Variants in DIP2C observed in about 807,000 individuals in gnomAD.
DIP2C encodes DIP2 acetate--CoA ligase C (putative), also known as disco-interacting protein 2 homolog C.
DIP2C carries 33 observed loss-of-function variants against 192.4 expected under a neutral mutation model. The observed-to-expected ratio is 0.17, with a 90% CI of 0.13 to 0.23. The LOEUF is 0.23. DIP2C is among the 10% of genes least tolerant of loss of function. The pLI is 1.00. For synonymous variants in DIP2C, 979 were observed against 864.1 expected (o/e 1.13, Z -2.33); for missense variants, 1,537 against 2,110.1 (o/e 0.73, Z 5.32).
At chr10:546,422 C>T (rs1297870974) in intron 1 of DIP2C, among the ~76,000 whole-genome samples, 3 of 152,192 alleles carry the variant, frequency 2.0e-5, no homozygotes, top group South Asian at 2.1e-4. Context: ...GAACACCTAA[C>T]GCCTCTCTGC....
At chr10:417,636 G>GA (rs1965750754) in intron 6 of DIP2C, among the ~76,000 whole-genome samples, 1 of 11,750 alleles carries the variant, frequency 8.5e-5, no homozygotes, top group Non-Finnish European at 2.6e-4. Context: ...GTCAGGGCTC[G>GA]GATAGGCCTC....
At chr10:378,742 CA>C (rs1440239727) in intron 17 of DIP2C, among the ~76,000 whole-genome samples, 1 of 151,890 alleles carries the variant, frequency 6.6e-6, no homozygotes, top group Non-Finnish European at 1.5e-5. Flanking sequence ...TGCATAAAGA[CA>C]CATGTGAACA....
intron 1 of DIP2C, among the ~76,000 whole-genome samples, chr10:492,906 T>C (rs927176064): frequency 3.3e-5 from 5 of 152,232 alleles, no homozygotes; most frequent in Non-Finnish European, 5.9e-5. Context: ...ACCGCAGTGG[T>C]CTTGAAAATA....
intron 4 of DIP2C, among the ~76,000 whole-genome samples, chr10:424,502 A>AT (rs1321360243): frequency 1.3e-5 from 2 of 151,646 alleles, no homozygotes; most frequent in African/African-American, 2.4e-5. Flanking sequence ...GGTAGCTGAG[A>AT]TTACAGGCAC....
chr10:391,068 G>A (rs963682210), intron 10 of DIP2C, among the ~76,000 whole-genome samples: 2 of 152,184 alleles, frequency 1.3e-5, no homozygotes, highest in Non-Finnish European at 2.9e-5. Context: ...GGTATAGAAA[G>A]AACAGCTGTC....
At chr10:487,321 T>G (rs867747794) in intron 1 of DIP2C, among the ~76,000 whole-genome samples, 2 of 152,138 alleles carry the variant, frequency 1.3e-5, no homozygotes, top group Non-Finnish European at 2.9e-5. Flanking sequence ...GAGTGAAAAA[T>G]TCAAGCTTTA....
chr10:428,944 C>CGG, intron 4 of DIP2C, among the ~76,000 whole-genome samples: 2 of 152,090 alleles, frequency 1.3e-5, no homozygotes, highest in African/African-American at 4.8e-5. Flanking sequence ...AGTGATGTCT[C>CGG]ACTTATCCTT....
At chr10:283,245 G>A (rs757914975) in intron 35 of DIP2C, 27 bp downstream of exon 35, 27 of 1,582,710 alleles carry the variant, frequency 1.7e-5, no homozygotes, top group African/African-American at 4.0e-5. Context: ...CATCTGTTGG[G>A]GGGGGGCCGC....
chr10:546,717 C>G (rs1848303520), intron 1 of DIP2C, among the ~76,000 whole-genome samples: 1 of 152,102 alleles, frequency 6.6e-6, no homozygotes, highest in African/African-American at 2.4e-5. Flanking sequence ...GGCTCTTTTA[C>G]CAGCACACGA....
chr10:577,689 G>A (rs1006276597), intron 1 of DIP2C, among the ~76,000 whole-genome samples: 2 of 152,174 alleles, frequency 1.3e-5, no homozygotes, highest in Non-Finnish European at 2.9e-5. Context: ...ACAAGGTTTT[G>A]CTTTTAACAA....
chr10:606,247 A>C (rs1048594341), intron 1 of DIP2C, among the ~76,000 whole-genome samples: 138 of 151,536 alleles, frequency 9.1e-4, no homozygotes, highest in African/African-American at 3.0e-3. Flanking sequence ...CCACCCCCCC[A>C]GAGGACCACT....
chr10:585,243 C>A (rs1021597552), intron 1 of DIP2C, among the ~76,000 whole-genome samples: 3 of 152,226 alleles, frequency 2.0e-5, no homozygotes, highest in South Asian at 4.1e-4. Context: ...CGTTCCCCAT[C>A]CCACGCCACC....
In DIP2C at chr10:303,587, G is replaced by A. The variant is rs555392576; in HGVS notation, c.3986+6444C>T. 4.6e-5 allele frequency among the ~76,000 whole-genome samples: 7 copies of A among 151,610 alleles called. No homozygotes were observed. In the South Asian group the frequency reaches 6.3e-4, roughly 14 times the overall value. On this transcript the variant is annotated intron_variant, in intron 32 of 36. Transcript: ENST00000280886. ...TGACCAGACTGGAGTGCAGTGGCGC[G>A]ATCTTGGCTCACCACAACCTCTGCT...
At chr10:580,561 C>T (rs1850568980) in intron 1 of DIP2C, among the ~76,000 whole-genome samples, 1 of 151,992 alleles carries the variant, frequency 6.6e-6, no homozygotes, top group Non-Finnish European at 1.5e-5. Context: ...AGCATGCACA[C>T]ATGTAGGACA....
chr10:462,028 A>G (rs755940897), intron 3 of DIP2C, among the ~76,000 whole-genome samples: 1 of 152,296 alleles, frequency 6.6e-6, no homozygotes, highest in South Asian at 2.1e-4. Flanking sequence ...ACAGATAAAG[A>G]GGTGTGTAGA....
At chr10:499,668 G>T (rs1036070043) in intron 1 of DIP2C, among the ~76,000 whole-genome samples, 6 of 152,166 alleles carry the variant, frequency 3.9e-5, no homozygotes, top group African/African-American at 1.4e-4. Context: ...CCAATCGCGA[G>T]GACAGCATAG....
intron 33 of DIP2C, among the ~76,000 whole-genome samples, chr10:287,311 A>C (rs527446272): frequency 6.6e-6 from 1 of 152,296 alleles, no homozygotes; most frequent in African/African-American, 2.4e-5. Context: ...CACTTATATA[A>C]GGAATCAAAG....
At chr10:365,209 C>T (rs1156815079) in intron 19 of DIP2C, among the ~76,000 whole-genome samples, 1 of 152,168 alleles carries the variant, frequency 6.6e-6, no homozygotes, top group Non-Finnish European at 1.5e-5. Context: ...TAGACAGGTA[C>T]TGTAACATCT....
intron 1 of DIP2C, among the ~76,000 whole-genome samples, chr10:494,852 G>C (rs1373698117): frequency 6.6e-6 from 1 of 152,188 alleles, no homozygotes; most frequent in Non-Finnish European, 1.5e-5. Context: ...ACTAGAAACA[G>C]GACTCTATGA....
Sources: gnomAD v4.1 joint callset for allele counts (sites outside exome capture counted in the v4.1 genomes callset) on GRCh38, gnomAD v4.1.1 for gene constraint, MANE v1.5 for transcripts, NCBI Gene and HGNC (gene_info 2026-07-23, HGNC 2026-07-21) for gene names.